The following CFAP61 variants were observed in gnomAD, a reference collection of about 807,000 sequenced individuals.
CFAP61 encodes cilia and flagella associated protein 61, also known as cilia- and flagella-associated protein 61.
In CFAP61, 107 loss-of-function variants were observed where a neutral mutation model predicts 135.6. The ratio of observed to expected loss-of-function variants is 0.79; its 90% CI spans 0.67 to 0.93. The LOEUF (loss-of-function observed/expected upper bound fraction) is 0.93, where lower values mean the gene tolerates loss of function less well. Ranked by LOEUF, CFAP61 falls within the 40% of genes least tolerant of loss-of-function variation. CFAP61 has a pLI of 0.00. For missense variants in CFAP61, 1,507 were observed against 1,556.2 expected, an observed-to-expected ratio of 0.97 and a Z score of 0.53; for synonymous variants, 575 against 578.5, an observed-to-expected ratio of 0.99 and a Z score of 0.09.
chr20:20,289,220 A>T (rs2054822605), intron 23 of CFAP61, among the ~76,000 whole-genome samples: 1 of 152,202 alleles, frequency 6.6e-6, no homozygotes, highest in Admixed American at 6.5e-5. Context: ...ATGATTATTA[A>T]CTTGTCTGGA....
intron 8 of CFAP61, among the ~76,000 whole-genome samples, chr20:20,139,273 G>T (rs2051177991): frequency 6.6e-6 from 1 of 152,198 alleles, no homozygotes; most frequent in Non-Finnish European, 1.5e-5. Flanking sequence ...GCAAAATGAT[G>T]AATGTGGCAT....
chr20:20,191,356 G>T lies in CFAP61; in HGVS notation c.1527G>T (p.Leu509=). Residue 509 remains leucine, a synonymous_variant, in exon 15 of 27, where the codon CTG becomes CTT. Transcript: ENST00000245957. ...TATCTTTTCAGGATGGAACACTGCT[G>T]CAGGCATTTGTAGCTGAAGTTGCAG... ...KARKDPDGTL[L]QAFVAEVAEQ... 6.2e-7 allele frequency: 1 copy of T among 1,613,068 alleles called. No individual in the cohort carries two copies. Among genetic ancestry groups the T allele is most frequent in the Non-Finnish European group, 8.5e-7 (1 of 1,179,304 alleles).
chr20:20,290,291 C>G lies in CFAP61; in HGVS notation c.3125-9C>G. On this transcript the variant is annotated splice_polypyrimidine_tract_variant and intron_variant, in intron 23 of 26. Transcript: ENST00000245957. ...TAATTTTAAATGGAAAACTTGCCAT[C>G]TCTTCTAGGGGGCATTCTTCCTGGG... The G allele has an allele frequency of 1.3e-6, 2 of 1,585,652 alleles. No individual in the cohort carries two copies. Among genetic ancestry groups the G allele is most frequent in the Non-Finnish European group, 1.7e-6 (2 of 1,154,386 alleles).
intron 26 of CFAP61, among the ~76,000 whole-genome samples, chr20:20,344,111 A>G (rs1056859430): frequency 6.6e-6 from 1 of 152,254 alleles, no homozygotes; most frequent in Non-Finnish European, 1.5e-5. Flanking sequence ...CAAATGGGAA[A>G]GGCCACAGGA....
chr20:20,171,673 G>T (rs957217364), intron 13 of CFAP61: 1 of 472,564 alleles, frequency 2.1e-6, no homozygotes, highest in Admixed American at 4.0e-5. Context: ...ATTATGTAAT[G>T]CATTAACAAA....
At chr20:20,205,625 T>G (rs563468616) in intron 17 of CFAP61, among the ~76,000 whole-genome samples, 1 of 152,316 alleles carries the variant, frequency 6.6e-6, no homozygotes, top group African/African-American at 2.4e-5. Context: ...TGAATTTTCC[T>G]CTTGGCTGAA....
intron 26 of CFAP61, among the ~76,000 whole-genome samples, chr20:20,355,711 C>T (rs1437508054): frequency 1.4e-5 from 2 of 141,702 alleles, no homozygotes; most frequent in African/African-American, 5.5e-5. Context: ...GAGGTGGTCA[C>T]ACTGTGAGGG....
intron 25 of CFAP61, among the ~76,000 whole-genome samples, chr20:20,305,456 G>T (rs1233262148): frequency 2.0e-5 from 3 of 152,204 alleles, no homozygotes; most frequent in Non-Finnish European, 4.4e-5. Context: ...CTACATTCCA[G>T]GTGCCTGTTT....
At chr20:20,185,071 C>G (rs1266409988) in intron 13 of CFAP61, among the ~76,000 whole-genome samples, 1 of 152,296 alleles carries the variant, frequency 6.6e-6, no homozygotes. Flanking sequence ...ACTGGGAGTG[C>G]AAGCTTATGC....
At position 20,298,183 on chromosome 20, in the gene CFAP61, T is replaced by C. The variant is rs746359624; in HGVS notation, c.3219T>C (p.Gly1073=). 25 of 1,611,228 alleles carry C rather than the reference T, an allele frequency of 1.6e-5. No individual in the cohort carries two copies. Among genetic ancestry groups the C allele is most frequent in the Admixed American group, 3.3e-5 (2 of 59,990 alleles). ...TCTTGTCCACATCCCTCCTCCAGGG[T>C]TTAGAACTAGTAACCGGCAGTGCGA... ...LEVQMAQPNY[G]LELVTGSAKN... Residue 1073 remains glycine (G), a splice_region_variant and synonymous_variant, in exon 25 of 27, where the codon GGT becomes GGC. Transcript: ENST00000245957.
In CFAP61 at chr20:20,056,785, C is replaced by G; in HGVS notation, c.132C>G (p.Ile44Met). The stretch of plus-strand genomic sequence containing the variant: ...GCAAGCTGTTTGGGAAGCTAAATAT[C>G]ATCTATCTTCTGTAAGTAGATAACT... ...FTCKLFGKLN[I>M]IYLLEKANLA... Residue 44 changes from isoleucine to methionine, a missense_variant, in exon 2 of 27, where the codon ATC becomes ATG. Coordinates refer to ENST00000245957, the MANE Select transcript of CFAP61 (RefSeq NM_015585.4). 1.2e-6 allele frequency: 2 copies of G among 1,613,922 alleles called. No homozygotes were observed. Among genetic ancestry groups the G allele is most frequent in the East Asian group, 2.2e-5 (1 of 44,878 alleles).
intron 25 of CFAP61, among the ~76,000 whole-genome samples, chr20:20,312,030 C>T (rs2056863208): frequency 6.6e-6 from 1 of 152,144 alleles, no homozygotes; most frequent in Non-Finnish European, 1.5e-5. Context: ...CAAATGCTTT[C>T]CAAGTAACTT....
intron 22 of CFAP61, among the ~76,000 whole-genome samples, chr20:20,277,683 ATTATT>A (rs1401912756): frequency 1.3e-5 from 2 of 152,108 alleles, no homozygotes; most frequent in Non-Finnish European, 2.9e-5. Context: ...GTTTTTTATT[ATTATT>A]TTATTATCCT....
intron 17 of CFAP61, among the ~76,000 whole-genome samples, chr20:20,207,223 G>A (rs111289706): frequency 2.4e-4 from 37 of 152,112 alleles, no homozygotes; most frequent in African/African-American, 8.9e-4. Flanking sequence ...GGAAAATGGG[G>A]GACTTTCTGT....
intron 25 of CFAP61, among the ~76,000 whole-genome samples, chr20:20,331,818 T>C (rs546052325): frequency 5.9e-5 from 9 of 152,180 alleles, no homozygotes; most frequent in African/African-American, 2.2e-4. Flanking sequence ...TGAGGCTGAG[T>C]GGCCGCCTGG....
intron 25 of CFAP61, among the ~76,000 whole-genome samples, chr20:20,336,220 T>C (rs995505175): frequency 5.3e-5 from 8 of 152,192 alleles, no homozygotes; most frequent in Admixed American, 4.6e-4. Context: ...TTACTAATGA[T>C]GGATTTGTTC....
chr20:20,196,358 C>G (rs1459343789), intron 15 of CFAP61, among the ~76,000 whole-genome samples: 2 of 152,126 alleles, frequency 1.3e-5, no homozygotes, highest in Non-Finnish European at 2.9e-5. Flanking sequence ...GTGCTGCCAT[C>G]CCCCAAAGAC....
chr20:20,312,996 G>T (rs917653431), intron 25 of CFAP61, among the ~76,000 whole-genome samples: 2 of 152,124 alleles, frequency 1.3e-5, no homozygotes, highest in Admixed American at 6.6e-5. Context: ...CCAACTGATA[G>T]CCTTGCGTAT....
chr20:20,082,303 GAC>G (rs2046485810), intron 6 of CFAP61, among the ~76,000 whole-genome samples: 3 of 152,350 alleles, frequency 2.0e-5, no homozygotes, highest in Admixed American at 2.0e-4. Context: ...TTTGGCTAGT[GAC>G]ACATTCAAAA....
Sources: gnomAD v4.1 joint callset for allele counts (sites outside exome capture counted in the v4.1 genomes callset) on GRCh38, gnomAD v4.1.1 for gene constraint, MANE v1.5 for transcripts, NCBI Gene and HGNC (gene_info 2026-07-23, HGNC 2026-07-21) for gene names.